GDAP2: variants seen among roughly 807,000 people sequenced by gnomAD.
GDAP2 encodes ganglioside-induced differentiation-associated protein 2.
In GDAP2, 51 loss-of-function variants were observed where a neutral mutation model predicts 67.0. The observed-to-expected ratio is 0.76, with a 90% CI of 0.61 to 0.96. The LOEUF is 0.96. Among genes scored for constraint, GDAP2 ranks in the 40% least tolerant of loss-of-function variants. The pLI is 0.00. For synonymous variants in GDAP2, 203 were observed against 207.3 expected (o/e 0.98, Z 0.18); for missense variants, 547 against 588.3 (o/e 0.93, Z 0.73).
At chr1:117,907,248 G>A (rs1162378906) in intron 5 of GDAP2, among the ~76,000 whole-genome samples, 4 of 152,080 alleles carry the variant, frequency 2.6e-5, no homozygotes, top group African/African-American at 9.7e-5. Context: ...TTTTAAAAAT[G>A]TTGTCCCCCA....
At chr1:117,918,564 T>C (rs1557809996) in intron 3 of GDAP2, 33 bp downstream of exon 3, 1 of 1,514,616 alleles carries the variant, frequency 6.6e-7, no homozygotes, top group Non-Finnish European at 9.2e-7. Flanking sequence ...GAATGTTTTC[T>C]AAGCAATAAT....
At chr1:117,876,582 A>G (rs1437154327) in intron 13 of GDAP2, among the ~76,000 whole-genome samples, 1 of 152,198 alleles carries the variant, frequency 6.6e-6, no homozygotes, top group Non-Finnish European at 1.5e-5. Flanking sequence ...GAGATGATCC[A>G]ATGAGCCAAG....
intron 5 of GDAP2, among the ~76,000 whole-genome samples, chr1:117,908,828 AAAATAAATAAAT>A (rs33997305): frequency 1.4e-5 from 2 of 148,070 alleles, no homozygotes; most frequent in Non-Finnish European, 2.9e-5. Flanking sequence ...CTATCTCAAA[AAAATAAATAAAT>A]AAATAAATAA....
chr1:117,902,009 G>T (rs1319904966), intron 6 of GDAP2, among the ~76,000 whole-genome samples: 1 of 152,102 alleles, frequency 6.6e-6, no homozygotes, highest in Non-Finnish European at 1.5e-5. Flanking sequence ...CTTTCCCAAG[G>T]AAAACTCAAT....
chr1:117,898,922 T>G, intron 7 of GDAP2, 135 bp downstream of exon 7: 1 of 681,042 alleles, frequency 1.5e-6, no homozygotes, highest in Non-Finnish European at 2.6e-6. Context: ...TGAAAACTTC[T>G]AAACTGGTCT....
At chr1:117,882,069 A>G (rs1357297548) in intron 11 of GDAP2, among the ~76,000 whole-genome samples, 192 bp from the exon 12 acceptor site, 1 of 152,172 alleles carries the variant, frequency 6.6e-6, no homozygotes, top group Non-Finnish European at 1.5e-5. Context: ...TTTTTAAAGT[A>G]TCTCTTTTAT....
intron 3 of GDAP2, among the ~76,000 whole-genome samples, chr1:117,913,127 A>C (rs185669789): frequency 1.3e-5 from 2 of 152,312 alleles, no homozygotes; most frequent in Admixed American, 6.5e-5. Flanking sequence ...TAGCCTTGTT[A>C]CAACCCAATT....
chr1:117,873,790 C>A (rs1390379734), intron 13 of GDAP2, among the ~76,000 whole-genome samples: 1 of 152,202 alleles, frequency 6.6e-6, no homozygotes. Flanking sequence ...TCCTTAGTGG[C>A]TACTCAGTCA....
chr1:117,905,629 T>C (rs550765270), intron 6 of GDAP2, among the ~76,000 whole-genome samples: 1 of 152,296 alleles, frequency 6.6e-6, no homozygotes, highest in African/African-American at 2.4e-5. Flanking sequence ...TAAAGGCTCC[T>C]TGAGGAAACA....
intron 8 of GDAP2, among the ~76,000 whole-genome samples, 153 bp from the exon 9 acceptor site, chr1:117,887,927 T>C (rs538547509): frequency 3.3e-5 from 5 of 152,292 alleles, no homozygotes; most frequent in East Asian, 1.9e-4. Flanking sequence ...TTAAGCCATG[T>C]AGAATCTCTA....
chr1:117,896,697 A>G (rs974095767), intron 8 of GDAP2, 136 bp downstream of exon 8: 7 of 579,814 alleles, frequency 1.2e-5, no homozygotes, highest in African/African-American at 7.6e-5. Context: ...AATGAGGACG[A>G]TATCTTCCTC....
At position 117,883,922 on chromosome 1, in the gene GDAP2, T is replaced by C. The variant is rs1648756681; in HGVS notation, c.1108-295A>G. The stretch of plus-strand genomic sequence containing the variant: ...CTCTATCCTCTAAAACAATTCTTCA[T>C]ATACTGGAAAAAGTTCTTGGATCAA... On this transcript the variant is annotated intron_variant, in intron 10 of 13. Transcript: ENST00000369443. Among the ~76,000 whole-genome samples the C allele has an allele frequency of 3.9e-5, 6 of 152,302 alleles. No individual in the cohort carries two copies. The South Asian group carries it at 1.2e-3, about 32-fold the overall frequency.
intron 11 of GDAP2, among the ~76,000 whole-genome samples, 180 bp from the exon 12 acceptor site, chr1:117,882,057 AT>A (rs1648667650): frequency 6.6e-6 from 1 of 152,110 alleles, no homozygotes; most frequent in Non-Finnish European, 1.5e-5. Context: ...AGAACATTCC[AT>A]TTTTTAAAGT....
At chr1:117,879,614 C>T (rs1275568056) in intron 12 of GDAP2, among the ~76,000 whole-genome samples, 3 of 152,052 alleles carry the variant, frequency 2.0e-5, no homozygotes, top group Non-Finnish European at 4.4e-5. Flanking sequence ...AAGATAGGTA[C>T]TATTATTTCC....
intron 6 of GDAP2, among the ~76,000 whole-genome samples, chr1:117,902,013 ACTC>A (rs1362512757): frequency 6.6e-6 from 1 of 152,132 alleles, no homozygotes; most frequent in East Asian, 1.9e-4. Flanking sequence ...CCCAAGGAAA[ACTC>A]AATAAAGGCT....
chr1:117,876,164 G>A (rs1042749587), intron 13 of GDAP2, among the ~76,000 whole-genome samples: 1 of 152,060 alleles, frequency 6.6e-6, no homozygotes, highest in Non-Finnish European at 1.5e-5. Flanking sequence ...GTCATGGGGT[G>A]GGGCAGATCT....
chr1:117,928,328 GA>G (rs1403311304), intron 1 of GDAP2, among the ~76,000 whole-genome samples: 2 of 152,176 alleles, frequency 1.3e-5, no homozygotes, highest in Non-Finnish European at 2.9e-5. Flanking sequence ...TTACGTAACT[GA>G]AAAATAGCTT....
intron 8 of GDAP2, among the ~76,000 whole-genome samples, chr1:117,888,185 C>CT (rs1428211236): frequency 6.6e-6 from 1 of 152,172 alleles, no homozygotes; most frequent in Non-Finnish European, 1.5e-5. Flanking sequence ...AGTGCTTACT[C>CT]TATGATAGTT....
At chr1:117,892,281 C>A (rs1649113600) in intron 8 of GDAP2, among the ~76,000 whole-genome samples, 1 of 152,128 alleles carries the variant, frequency 6.6e-6, no homozygotes. Context: ...ACTCTTCTCA[C>A]TCAATAGACA....
Sources: gnomAD v4.1 joint callset for allele counts (sites outside exome capture counted in the v4.1 genomes callset) on GRCh38, gnomAD v4.1.1 for gene constraint, MANE v1.5 for transcripts, NCBI Gene and HGNC (gene_info 2026-07-23, HGNC 2026-07-21) for gene names.